The following SLC25A45 variants were observed in gnomAD, a reference collection of about 807,000 sequenced individuals.
SLC25A45 encodes the protein methylated amino-acid transporter SLC25A45.
In SLC25A45, 22 loss-of-function variants were observed where a neutral mutation model predicts 23.0. That is an observed-to-expected ratio of 0.95 (90% CI 0.68 to 1.36). SLC25A45 has a LOEUF of 1.36. SLC25A45 is among the 40% of genes most tolerant of loss of function. The probability of loss-of-function intolerance (pLI) is 0.00; values close to 1 mark genes in which losing one functional copy is unlikely to be tolerated. For missense variants in SLC25A45, 355 were observed against 383.5 expected (o/e 0.93, Z 0.62); for synonymous variants, 136 against 155.0 (o/e 0.88, Z 0.91).
intron 5 of SLC25A45, chr11:65,377,358 A>G: frequency 7.7e-7 from 1 of 1,291,908 alleles, no homozygotes; most frequent in Non-Finnish European, 9.8e-7. Flanking sequence ...CACTCAGAAC[A>G]AGCCTGGATT....
At position 65,376,445 on chromosome 11, in the gene SLC25A45, A is replaced by C; in HGVS notation, c.829T>G (p.Phe277Val). ...ARAFPVNAVT[F>V]LSYEYLLRWW... ...CGGAGGAGATATTCGTAGCTGAGGAAGGTGACAGCATTGACGGGAAAGGCG... is the reference window on the plus strand; with the variant it reads ...CGGAGGAGATATTCGTAGCTGAGGACGGTGACAGCATTGACGGGAAAGGCG... Residue 277 changes from phenylalanine to valine, a missense_variant, in exon 7 of 7, where the codon TTC becomes GTC. Phe to Val is a conservative substitution (Grantham distance 50, BLOSUM62 -1). Transcript: ENST00000398802. 1 of 1,614,156 alleles carries C rather than the reference A, an allele frequency of 6.2e-7. No individual in the cohort carries two copies. The highest frequency in any genetic ancestry group is 8.5e-7 in the Non-Finnish European group (1 of 1,179,974).
rs1438076887 is a variant in SLC25A45, at chr11:65,376,382, G to A, written c.*25C>T. On this transcript the variant is annotated 3_prime_UTR_variant, in exon 7 of 7. Transcript: ENST00000398802. ...GGCCTCCAGGCCGTGGGCCTGATGG[G>A]GAGCTGCTGGCATTGCCGCAGGGCT... is the stretch of plus-strand genomic sequence containing the variant. 1.2e-6 allele frequency: 2 copies of A among 1,605,454 alleles called. No homozygotes were observed. Among genetic ancestry groups the A allele is most frequent in the African/African-American group, 1.3e-5 (1 of 74,936 alleles).
At chr11:65,381,738 G>T in intron 2 of SLC25A45, 177 bp downstream of exon 2, 1 of 698,248 alleles carries the variant, frequency 1.4e-6, no homozygotes, top group South Asian at 1.6e-5. Flanking sequence ...TGATTTTTTT[G>T]TAGAGACAGG....
intron 5 of SLC25A45, 57 bp downstream of exon 5, chr11:65,379,319 C>G: frequency 6.3e-7 from 1 of 1,584,642 alleles, no homozygotes. Context: ...TGGGAGAGGA[C>G]AGATCGAGAT....
chr11:65,381,678 C>T, intron 2 of SLC25A45: 1 of 496,788 alleles, frequency 2.0e-6, no homozygotes, highest in African/African-American at 2.0e-5. Flanking sequence ...AGCAATCCTC[C>T]TAAGTAGCTG....
intron 5 of SLC25A45, chr11:65,378,610 C>A (rs1402047181): frequency 6.6e-6 from 1 of 152,254 alleles, no homozygotes; most frequent in Non-Finnish European, 1.5e-5. Context: ...ATCATTAATT[C>A]ATTTGAAGGA....
intron 2 of SLC25A45, chr11:65,380,546 T>C (rs1855497286): frequency 1.5e-6 from 2 of 1,343,224 alleles, no homozygotes; most frequent in Non-Finnish European, 2.0e-6. Flanking sequence ...CTCCGAGAGC[T>C]TTACTCTTCT....
chr11:65,380,357 A>G, intron 2 of SLC25A45, 182 bp from the exon 3 acceptor site: 1 of 968,380 alleles, frequency 1.0e-6, no homozygotes, highest in Non-Finnish European at 1.5e-6. Flanking sequence ...CCCTCCACAC[A>G]GGCACTGGGC....
Position 65,376,918 on chromosome 11 carries a change from TC to T in SLC25A45, c.497del (p.Gly166GlufsTer5). 7 of 1,613,812 alleles carry T rather than the reference TC, an allele frequency of 4.3e-6. No individual in the cohort carries two copies. Among genetic ancestry groups the T allele is most frequent in the Non-Finnish European group, 5.1e-6 (6 of 1,179,824 alleles). The stretch of plus-strand genomic sequence containing the variant: ...TGTCCCTCAGCGTCAGGGCCCAGGC[TC>T]CTCGGAACAGCCCCCGGGGCCCCTC... The part of the protein sequence containing the change: ...REEGPRGLFR[G>X]AWALTLRDTP... On this transcript the variant is annotated frameshift_variant, in exon 6 of 7. Transcript: ENST00000398802. LOFTEE classifies it high-confidence loss of function.
At chr11:65,378,378 T>C (rs1855330279) in intron 5 of SLC25A45, 1 of 152,240 alleles carries the variant, frequency 6.6e-6, no homozygotes, top group Non-Finnish European at 1.5e-5. Flanking sequence ...GGTTTCACTG[T>C]AAACCCAGGC....
chr11:65,376,944 C>T lies in SLC25A45; in HGVS notation c.472G>A (p.Glu158Lys), dbSNP rs745577594. The T allele has an allele frequency of 6.2e-7, 1 of 1,613,050 alleles. No homozygotes were observed. Among genetic ancestry groups the T allele is most frequent in the Non-Finnish European group, 8.5e-7 (1 of 1,179,386 alleles). The change falls in exon 6 of 7, where the codon GAG (glutamate) becomes AAG (lysine). Residue 158 changes from glutamate to lysine, a missense_variant. By Grantham distance (56) the Glu-to-Lys change is moderately conservative. Coordinates refer to ENST00000398802, the MANE Select transcript of SLC25A45 (RefSeq NM_182556.4). ...CCTCGGAACAGCCCCCGGGGCCCCT[C>T]CTCCCGGAAGATGGAGGCTGCACAG... is the stretch of plus-strand genomic sequence containing the variant. The part of the protein sequence containing the change: ...VHCAASIFRE[E>K]GPRGLFRGAW...
Position 65,376,475 on chromosome 11 carries a change from C to A in SLC25A45, c.799G>T (p.Ala267Ser). 1 of 1,614,214 alleles carries A rather than the reference C, an allele frequency of 6.2e-7. No individual in the cohort carries two copies. Among genetic ancestry groups the A allele is most frequent in the South Asian group, 1.1e-5 (1 of 91,084 alleles). The change falls in exon 7 of 7, where the codon GCC becomes TCC. Residue 267 changes from alanine to serine, a missense_variant. Physicochemically the swap from Ala to Ser is moderately conservative, Grantham distance 99 (BLOSUM62 1). Coordinates refer to ENST00000398802, the MANE Select transcript of SLC25A45 (RefSeq NM_182556.4). ...VFFRGVTINSARAFPVNAVTF... is the reference protein window; with the variant it reads ...VFFRGVTINSSRAFPVNAVTF... The stretch of plus-strand genomic sequence containing the variant: ...ACAGCATTGACGGGAAAGGCGCGGG[C>A]ACTGTTGATGGTGACCCCCCGGAAG...
In SLC25A45 at chr11:65,377,496, A is replaced by G. The variant is rs375254410; in HGVS notation, c.340-420T>C. 1.1e-4 allele frequency: 91 copies of G among 827,446 alleles called. 2 individuals carry two copies. The Middle Eastern group carries it at 2.4e-3, about 22-fold the overall frequency. The allele number at this position is 827,446 out of a possible 1,614,324, so 51.3% of individuals were successfully genotyped here. ...AATAGCAAAGAAACCACCCTTTCCC[A>G]GGGTGAAGGAGGTCCCCTCGTGAGT... On this transcript the variant is annotated intron_variant, in intron 5 of 6. Transcript: ENST00000398802.
At position 65,379,939 on chromosome 11, in the gene SLC25A45, C is replaced by G. The variant is rs769628728; in HGVS notation, c.82-1G>C. On this transcript the variant is annotated splice_acceptor_variant, in intron 3 of 6. Transcript: ENST00000398802. LOFTEE classifies it high-confidence loss of function. ...AGGTGGTCTGGGTCTGCAGCCTCAC[C>G]TGGGTGGGAGGACAGAGCAGGTAGG... 4 of 1,614,082 alleles carry G rather than the reference C, an allele frequency of 2.5e-6. No homozygotes were observed. The highest frequency in any genetic ancestry group is 1.7e-6 in the Non-Finnish European group (2 of 1,180,022).
Position 65,377,131 on chromosome 11 carries a change from C to T in SLC25A45, c.340-55G>A, listed in dbSNP as rs1565572446. ...GTGGGGCTTTGGGCTGGGAACTGGC[C>T]CCTTATATTCACAAGAGGAAGGAGG... On this transcript the variant is annotated intron_variant, in intron 5 of 6. Coordinates refer to ENST00000398802, the MANE Select transcript of SLC25A45 (RefSeq NM_182556.4). The T allele has an allele frequency of 2.6e-6, 4 of 1,559,278 alleles. No individual in the cohort carries two copies. The East Asian group carries it at 9.1e-5, about 35-fold the overall frequency.
intron 5 of SLC25A45, chr11:65,377,411 G>A (rs967879994): frequency 5.9e-6 from 7 of 1,178,342 alleles, no homozygotes; most frequent in East Asian, 5.2e-5. Flanking sequence ...CCTAAAGCCG[G>A]CAGTGAGCAT....
At position 65,376,978 on chromosome 11, in the gene SLC25A45, C is replaced by T. The variant is rs759371331; in HGVS notation, c.438G>A (p.Gly146=). The T allele has an allele frequency of 1.2e-6, 2 of 1,613,044 alleles. No homozygotes were observed. The highest frequency in any genetic ancestry group is 8.5e-7 in the Non-Finnish European group (1 of 1,179,526). The part of the protein sequence containing the change: ...QPGSPPPRYQ[G]PVHCAASIFR... ...AGATGGAGGCTGCACAGTGCACGGG[C>T]CCCTGGTACCGGGGTGGGGGGCTCC... Residue 146 remains glycine, a synonymous_variant, in exon 6 of 7, where the codon GGG becomes GGA. Transcript: ENST00000398802.
rs527321558 is a variant in SLC25A45 at position 65,375,503 on chromosome 11, A to T, written c.*904T>A. 6.6e-6 allele frequency: 1 copy of T among 152,616 alleles called. No homozygotes were observed. Among genetic ancestry groups the T allele is most frequent in the East Asian group, 1.9e-4 (1 of 5,192 alleles). The allele number at this position is 152,616 out of a possible 1,614,324, so 9.5% of individuals were successfully genotyped here. ...GGATGGTAGAGTCAACCTGCCAGGC[A>T]CTGTGCACTGCTGGCCAGGCCCGGC... is the stretch of plus-strand genomic sequence containing the variant. On this transcript the variant is annotated 3_prime_UTR_variant, in exon 7 of 7. Coordinates refer to ENST00000398802, the MANE Select transcript of SLC25A45 (RefSeq NM_182556.4).
At chr11:65,381,997 T>A (rs1286170899) in intron 1 of SLC25A45, 28 bp from the exon 2 acceptor site, 1 of 1,528,330 alleles carries the variant, frequency 6.5e-7, no homozygotes, top group Non-Finnish European at 9.1e-7. Flanking sequence ...GGAGACAGAG[T>A]TGAATTCCCC....
Sources: gnomAD v4.1 joint callset for allele counts on GRCh38, gnomAD v4.1.1 for gene constraint, MANE v1.5 for transcripts, NCBI Gene and HGNC (gene_info 2026-07-23, HGNC 2026-07-21) for gene names.